Variants in ATXN1 observed in about 807,000 individuals in gnomAD.
ATXN1 encodes the protein ataxin-1.
A neutral mutation model predicts 56.4 loss-of-function variants in ATXN1; 8 were observed. The ratio of observed to expected loss-of-function variants is 0.14; its 90% CI spans 0.08 to 0.26. The LOEUF (loss-of-function observed/expected upper bound fraction) is 0.26, where lower values mean the gene tolerates loss of function less well. ATXN1 is among the 10% of genes least tolerant of loss of function. The pLI, the probability that ATXN1 is intolerant of heterozygous loss-of-function variation, is 1.00. For synonymous variants in ATXN1, 514 were observed against 494.6 expected (o/e 1.04, Z -0.52); for missense variants, 987 against 1,106.5 (o/e 0.89, Z 1.53).
intron 4 of ATXN1, among the ~76,000 whole-genome samples, chr6:16,550,155 C>CAAAAAA (rs70999336): frequency 5.3e-4 from 48 of 91,054 alleles, no homozygotes; most frequent in Middle Eastern, 7.0e-3. Context: ...AAATAAAATA[C>CAAAAAA]AAAAAAAAAA....
chr6:16,646,637 C>T (rs1344703830), intron 3 of ATXN1, among the ~76,000 whole-genome samples: 1 of 152,254 alleles, frequency 6.6e-6, no homozygotes, highest in African/African-American at 2.4e-5. Context: ...CCTTTGGGCA[C>T]ACGCCCTCCC....
chr6:16,306,375 T>C lies in ATXN1; in HGVS notation c.2402A>G (p.Gln801Arg). The C allele has an allele frequency of 6.2e-7, 1 of 1,613,782 alleles. No homozygotes were observed. The highest frequency in any genetic ancestry group is 8.5e-7 in the Non-Finnish European group (1 of 1,179,914). Reference protein sequence around the residue: ...LTLPKPSLIPQEVKICIEGRS... With the variant: ...LTLPKPSLIPREVKICIEGRS... ...GCCTTCAATGCAAATCTTAACCTCC[T>C]GAGGAATTAGAGAAGGCTTAGGAAG... The change falls in exon 8 of 8, where the codon CAG (glutamine) becomes CGG (arginine). Residue 801 changes from glutamine to arginine, a missense_variant. Physicochemically the swap from Gln to Arg is conservative, Grantham distance 43 (BLOSUM62 1). Transcript: ENST00000436367. The surrounding 1 kb of genome is among the most constrained non-coding windows in gnomAD (Gnocchi z 5.2).
At chr6:16,400,053 A>G (rs1334019988) in intron 6 of ATXN1, among the ~76,000 whole-genome samples, 1 of 152,116 alleles carries the variant, frequency 6.6e-6, no homozygotes, top group Non-Finnish European at 1.5e-5. Flanking sequence ...TCCCACCCAG[A>G]CTGACAGAAC....
intron 6 of ATXN1, among the ~76,000 whole-genome samples, chr6:16,359,387 G>A (rs1761760478): frequency 6.6e-6 from 1 of 152,200 alleles, no homozygotes; most frequent in East Asian, 1.9e-4. Context: ...AGCCACAGCA[G>A]GCAGGAGGAT....
intron 6 of ATXN1, among the ~76,000 whole-genome samples, chr6:16,447,179 A>C (rs1050418579): frequency 8.5e-5 from 13 of 152,358 alleles, no homozygotes; most frequent in African/African-American, 2.9e-4. Context: ...TCAGAAACAG[A>C]CATCAATAGC....
In ATXN1 at chr6:16,326,312, T is replaced by C. The variant is rs768255252; in HGVS notation, c.1917+82A>G. 8.9e-6 allele frequency: 14 copies of C among 1,569,534 alleles called. No homozygotes were observed. The highest frequency in any genetic ancestry group is 4.5e-5 in the East Asian group (2 of 44,468). ...CCCGAGAACCCTTAATCCTGCCTCA[T>C]AGAAGCAATTCGTCTTGCCAGGAGA... is the stretch of plus-strand genomic sequence containing the variant. On this transcript the variant is annotated intron_variant, in intron 7 of 7. Transcript: ENST00000436367. The surrounding 1 kb of genome is among the most constrained non-coding windows in gnomAD (Gnocchi z 6.6).
rs1355997682 is a variant in ATXN1, at chr6:16,403,836, G to A, written c.-160-75366C>T. ...TGCATGTGATATTTCTGGCTTTCAC[G>A]TTCTGTTCTTGAAGTAAGCTTAAAG... On this transcript the variant is annotated intron_variant, in intron 6 of 7. Transcript: ENST00000436367. 2.6e-5 allele frequency among the ~76,000 whole-genome samples: 4 copies of A among 151,800 alleles called. No individual in the cohort carries two copies. The South Asian group carries it at 8.3e-4, about 31-fold the overall frequency.
intron 3 of ATXN1, among the ~76,000 whole-genome samples, chr6:16,603,508 T>C (rs1459641030): frequency 1.3e-5 from 2 of 152,108 alleles, no homozygotes; most frequent in African/African-American, 4.8e-5. Context: ...GAAAACACAG[T>C]TCCATAAGGA....
intron 6 of ATXN1, among the ~76,000 whole-genome samples, chr6:16,373,707 T>C (rs9383154): frequency 0.059 from 8,929 of 152,288 alleles, 489 homozygotes; most frequent in African/African-American, 0.14. Flanking sequence ...TGATTGCCTC[T>C]CATTTTCTCT....
At chr6:16,567,987 AC>A (rs1481508736) in intron 4 of ATXN1, among the ~76,000 whole-genome samples, 1 of 152,212 alleles carries the variant, frequency 6.6e-6, no homozygotes, top group East Asian at 1.9e-4. Context: ...GAACACACAC[AC>A]AAAAGAGAAT....
At chr6:16,640,488 C>G (rs539155879) in intron 3 of ATXN1, among the ~76,000 whole-genome samples, 2 of 152,196 alleles carry the variant, frequency 1.3e-5, no homozygotes, top group African/African-American at 4.8e-5. Flanking sequence ...TCAAGACCAT[C>G]CTGGCTAACA....
intron 6 of ATXN1, chr6:16,485,551 G>A (rs976078299): frequency 2.6e-5 from 4 of 152,084 alleles, no homozygotes; most frequent in South Asian, 4.1e-4. Context: ...AAGAATAATT[G>A]CTGGATGGAA....
At chr6:16,534,996 C>G (rs1186527465) in intron 4 of ATXN1, among the ~76,000 whole-genome samples, 2 of 152,216 alleles carry the variant, frequency 1.3e-5, no homozygotes, top group East Asian at 3.8e-4. Context: ...ATAAGCACAG[C>G]ACCAAGTCTG....
intron 4 of ATXN1, among the ~76,000 whole-genome samples, chr6:16,537,830 C>T (rs968209177): frequency 4.6e-5 from 7 of 152,006 alleles, no homozygotes; most frequent in Non-Finnish European, 1.0e-4. Context: ...TGGCCAGGTG[C>T]GGTGGCTCAC....
intron 3 of ATXN1, among the ~76,000 whole-genome samples, chr6:16,604,509 A>T (rs1012833146): frequency 9.2e-5 from 14 of 151,996 alleles, no homozygotes; most frequent in Non-Finnish European, 1.8e-4. Flanking sequence ...TAAAAAAAAG[A>T]AAACAAAATT....
chr6:16,697,954 G>A (rs1759201552), intron 2 of ATXN1, among the ~76,000 whole-genome samples: 2 of 152,126 alleles, frequency 1.3e-5, no homozygotes, highest in Non-Finnish European at 2.9e-5. Context: ...GCCCCAGAGA[G>A]CAGAATGAGG....
At chr6:16,758,002 A>G (rs1760940869) in intron 1 of ATXN1, among the ~76,000 whole-genome samples, 6 of 152,128 alleles carry the variant, frequency 3.9e-5, no homozygotes, top group Admixed American at 3.9e-4. Context: ...TCCTCTAGCT[A>G]TAGGCCTCTA....
intron 2 of ATXN1, among the ~76,000 whole-genome samples, chr6:16,675,171 T>G (rs1375632053): frequency 3.3e-5 from 5 of 152,214 alleles, no homozygotes; most frequent in Non-Finnish European, 7.3e-5. Flanking sequence ...CTTCCAGGAA[T>G]GTGAGCATAC....
intron 6 of ATXN1, among the ~76,000 whole-genome samples, chr6:16,466,244 G>A (rs1010430012): frequency 6.0e-5 from 9 of 149,760 alleles, no homozygotes; most frequent in African/African-American, 7.4e-5. Flanking sequence ...GTACCCAGGC[G>A]GGGGCAGAGA....
Sources: allele counts gnomAD v4.1 joint callset (sites outside exome capture counted in the v4.1 genomes callset), GRCh38; gene constraint gnomAD v4.1.1; non-coding constraint Gnocchi (gnomAD v3.1); transcripts MANE v1.5; gene names NCBI Gene and HGNC (gene_info 2026-07-23, HGNC 2026-07-21).